The following CEP83 variants were observed in gnomAD, a reference collection of about 807,000 sequenced individuals.
CEP83 encodes centrosomal protein 83, also known as centrosomal protein of 83 kDa.
A neutral mutation model predicts 101.9 loss-of-function variants in CEP83; 70 were observed. The observed-to-expected ratio is 0.69, with a 90% confidence interval of 0.57 to 0.84. CEP83 has a LOEUF of 0.84. CEP83 is among the 40% of genes least tolerant of loss of function. The probability of loss-of-function intolerance (pLI) is 0.00; values close to 1 mark genes in which losing one functional copy is unlikely to be tolerated. For synonymous variants in CEP83, 264 were observed against 267.9 expected (o/e 0.99, Z 0.14); for missense variants, 715 against 787.2 (o/e 0.91, Z 1.10).
chr12:94,435,939 G>C (rs1490506122), intron 1 of CEP83, among the ~76,000 whole-genome samples: 2 of 152,094 alleles, frequency 1.3e-5, no homozygotes, highest in African/African-American at 4.8e-5. Context: ...CACCAGCCTG[G>C]AGCCCAGTAA....
intron 6 of CEP83, among the ~76,000 whole-genome samples, chr12:94,387,157 T>A (rs2062195767): frequency 6.6e-6 from 1 of 152,076 alleles, no homozygotes; most frequent in Admixed American, 6.5e-5. Flanking sequence ...TGGCAAAAAA[T>A]TTATGACTAA....
chr12:94,268,677 C>G, the CEP83 span, among the ~76,000 whole-genome samples: 1 of 147,918 alleles, frequency 6.8e-6, no homozygotes, highest in Non-Finnish European at 1.5e-5. Flanking sequence ...TCACTGCAAC[C>G]TCCGCCTCTG....
intron 11 of CEP83, among the ~76,000 whole-genome samples, chr12:94,353,268 A>C (rs1212703599): frequency 1.3e-5 from 2 of 152,228 alleles, no homozygotes; most frequent in African/African-American, 4.8e-5. Flanking sequence ...AGAAATGAAG[A>C]AGAAACAAAG....
chr12:94,297,037 AG>A, the CEP83 span: 1 of 699,770 alleles, frequency 1.4e-6, no homozygotes. Flanking sequence ...AAGATGCAGC[AG>A]GGGGAAAAAT....
At chr12:94,314,631 A>G (rs1225153840) in intron 14 of CEP83, among the ~76,000 whole-genome samples, 2 of 152,168 alleles carry the variant, frequency 1.3e-5, no homozygotes, top group Admixed American at 6.5e-5. Context: ...TATCTGCATT[A>G]TTTCCAGTTG....
intron 6 of CEP83, among the ~76,000 whole-genome samples, chr12:94,398,036 A>C (rs977415153): frequency 6.6e-6 from 1 of 152,102 alleles, no homozygotes; most frequent in African/African-American, 2.4e-5. Flanking sequence ...ATAGAATACG[A>C]GTGGTGGACT....
intron 4 of CEP83, among the ~76,000 whole-genome samples, chr12:94,411,312 C>T (rs1002176036): frequency 6.6e-6 from 1 of 152,050 alleles, no homozygotes; most frequent in African/African-American, 2.4e-5. Flanking sequence ...TTTTAAGAAG[C>T]TCTTTAAGAA....
At chr12:94,347,945 T>C (rs1384984387) in intron 11 of CEP83, among the ~76,000 whole-genome samples, 1 of 152,096 alleles carries the variant, frequency 6.6e-6, no homozygotes, top group Admixed American at 6.5e-5. Context: ...CTATAGAAAC[T>C]TTTTAAGGGC....
chr12:94,424,238 A>G, intron 2 of CEP83: 2 of 1,613,776 alleles, frequency 1.2e-6, no homozygotes, highest in Non-Finnish European at 1.7e-6. Context: ...CATGATGCCC[A>G]TGTCTCCATT....
chr12:94,431,393 T>A (rs1019040937), intron 2 of CEP83, among the ~76,000 whole-genome samples: 1 of 151,954 alleles, frequency 6.6e-6, no homozygotes, highest in Non-Finnish European at 1.5e-5. Flanking sequence ...GCAAAAATAG[T>A]ATGGCTAACA....
chr12:94,388,019 T>G lies in CEP83; in HGVS notation c.550-8977A>C, dbSNP rs566234851. Among the ~76,000 whole-genome samples the G allele has an allele frequency of 8.7e-4, 133 of 152,338 alleles. 2 individuals are homozygous for G. In the Middle Eastern group the frequency reaches 0.034, roughly 39 times the overall value. On this transcript the variant is annotated intron_variant, in intron 6 of 16. Coordinates refer to ENST00000397809, the MANE Select transcript of CEP83 (RefSeq NM_016122.3). ...TAGTTCAGCCACTGTGGAAAACAGT[T>G]TGGAGATTTCTCAAATAACTAAAAA... is the stretch of plus-strand genomic sequence containing the variant.
intron 2 of CEP83, among the ~76,000 whole-genome samples, chr12:94,422,227 A>G (rs977257240): frequency 6.6e-6 from 1 of 152,364 alleles, no homozygotes; most frequent in Middle Eastern, 3.4e-3. Context: ...CAGCCAATGG[A>G]AACTGGACAC....
At chr12:94,338,017 A>G (rs1188697023) in intron 11 of CEP83, among the ~76,000 whole-genome samples, 1 of 152,190 alleles carries the variant, frequency 6.6e-6, no homozygotes, top group Non-Finnish European at 1.5e-5. Flanking sequence ...GAAAAAGAGA[A>G]GTCCAAAGAC....
chr12:94,376,734 T>C (rs4087320), intron 7 of CEP83, among the ~76,000 whole-genome samples: 30,573 of 104,724 alleles, frequency 0.29, 3,546 homozygotes, highest in African/African-American at 0.32. Context: ...CACACACACA[T>C]ATATATATAT....
chr12:94,429,914 G>A (rs916114742), intron 2 of CEP83, among the ~76,000 whole-genome samples: 3 of 152,174 alleles, frequency 2.0e-5, no homozygotes, highest in Non-Finnish European at 2.9e-5. Context: ...GCATATAGCT[G>A]GTATCACTGA....
intron 1 of CEP83, among the ~76,000 whole-genome samples, chr12:94,451,632 T>C (rs2067262240): frequency 6.6e-6 from 1 of 152,148 alleles, no homozygotes; most frequent in Non-Finnish European, 1.5e-5. Context: ...AGAATGGCTA[T>C]AATTAAAAAG....
chr12:94,298,889 A>G, the CEP83 span: 19 of 1,190,674 alleles, frequency 1.6e-5, no homozygotes, highest in Non-Finnish European at 2.1e-5. Flanking sequence ...GGATTCATTT[A>G]TCTCTATATC....
At chr12:94,319,413 G>A (rs1000729090) in intron 14 of CEP83, among the ~76,000 whole-genome samples, 1 of 152,018 alleles carries the variant, frequency 6.6e-6, no homozygotes, top group African/African-American at 2.4e-5. Flanking sequence ...CAGCTCTAAT[G>A]CTAGCTTTGG....
chr12:94,302,148 C>A (rs527631254), downstream of CEP83, among the ~76,000 whole-genome samples: 10 of 152,296 alleles, frequency 6.6e-5, no homozygotes, highest in African/African-American at 2.2e-4. Flanking sequence ...TTTCCCATTA[C>A]CTACCAGCTA....
Sources: gnomAD v4.1 joint callset for allele counts (sites outside exome capture counted in the v4.1 genomes callset) on GRCh38, gnomAD v4.1.1 for gene constraint, MANE v1.5 for transcripts, NCBI Gene and HGNC (gene_info 2026-07-23, HGNC 2026-07-21) for gene names.